Variants in FAM120B observed in about 807,000 individuals in gnomAD.
The protein encoded by FAM120B is family with sequence similarity 120 member B, also known as constitutive coactivator of peroxisome proliferator-activated receptor gamma.
FAM120B carries 83 observed loss-of-function variants against 96.3 expected under a neutral mutation model. The ratio of observed to expected loss-of-function variants is 0.86; its 90% CI spans 0.72 to 1.03. FAM120B has a LOEUF of 1.03. Ranked by LOEUF, FAM120B falls within the 50% of genes least tolerant of loss-of-function variation. The pLI, the probability that FAM120B is intolerant of heterozygous loss-of-function variation, is 0.00. For synonymous variants in FAM120B, 407 were observed against 402.7 expected, an observed-to-expected ratio of 1.01 and a Z score of -0.13; for missense variants, 1,027 against 1,121.2, an observed-to-expected ratio of 0.92 and a Z score of 1.20.
chr6:170,403,393 G>T (rs1052909132), intron 9 of FAM120B, among the ~76,000 whole-genome samples: 1 of 152,112 alleles, frequency 6.6e-6, no homozygotes, highest in Non-Finnish European at 1.5e-5. Context: ...AGATATTAAA[G>T]TAGTTCAAGT....
intron 9 of FAM120B, among the ~76,000 whole-genome samples, chr6:170,397,928 TC>T (rs1245473464): frequency 6.6e-6 from 1 of 152,188 alleles, no homozygotes. Flanking sequence ...TGCTGTCATG[TC>T]CCCTACTCCT....
intron 6 of FAM120B, among the ~76,000 whole-genome samples, chr6:170,373,550 A>G (rs1315426551): frequency 6.6e-6 from 1 of 152,188 alleles, no homozygotes; most frequent in Non-Finnish European, 1.5e-5. Flanking sequence ...GTTAGCTTAA[A>G]TTAGTTGTTT....
chr6:170,300,838 G>A (rs1333587094), intron 1 of FAM120B, among the ~76,000 whole-genome samples: 6 of 152,202 alleles, frequency 3.9e-5, no homozygotes, highest in Non-Finnish European at 7.3e-5. Flanking sequence ...ACACTGATGC[G>A]AGAGGTGGGC....
intron 1 of FAM120B, among the ~76,000 whole-genome samples, chr6:170,299,818 G>A (rs376852231): frequency 1.3e-5 from 2 of 152,346 alleles, no homozygotes; most frequent in East Asian, 1.9e-4. Context: ...GCTCTGCCAC[G>A]TCAAGGCCCA....
chr6:170,383,168 T>C (rs868113784), intron 6 of FAM120B, among the ~76,000 whole-genome samples: 2 of 148,546 alleles, frequency 1.3e-5, no homozygotes, highest in South Asian at 2.1e-4. Flanking sequence ...AAATGGAAAA[T>C]GAAATTAACT....
At chr6:170,296,421 C>A (rs1251040084) in intron 1 of FAM120B, among the ~76,000 whole-genome samples, 1 of 151,846 alleles carries the variant, frequency 6.6e-6, no homozygotes, top group Admixed American at 6.6e-5. Flanking sequence ...GGCCGTGCGG[C>A]GGGTCATCCC....
Position 170,395,525 on chromosome 6 carries a change from G to A in FAM120B, c.2638G>A (p.Gly880Ser). ...GRQGSSYHRT[G>S]SGYSRSSQGQ... ...ACAGGGCTCCAGCTACCACAGGACG[G>A]GCTCTGGGTATAGCCGTTCCAGTCA... Residue 880 changes from glycine (G) to serine (S), a missense_variant, in exon 9 of 11, where the codon GGC (glycine) becomes AGC (serine). This residue lies in a region of FAM120B where 142 missense variants were observed against 122.5 expected (regional missense o/e 1.16). Transcript: ENST00000476287. 6.2e-7 allele frequency: 1 copy of A among 1,601,014 alleles called. No homozygotes were observed. Among genetic ancestry groups the A allele is most frequent in the Non-Finnish European group, 8.5e-7 (1 of 1,173,898 alleles).
chr6:170,318,270 A>T lies in FAM120B; in HGVS notation c.880A>T (p.Lys294Ter). Reference protein sequence around the residue: ...LEEILPLGPNKALFYKGMASY... With the variant: ...LEEILPLGPN ...AGAGATATTACCTCTGGGACCAAAC[A>T]AAGCTCTTTTTTATAAAGGAATGGC... Residue 294 changes from lysine to a stop codon, truncating the protein, a stop_gained, in exon 2 of 11, where the codon AAA becomes TAA. Coordinates refer to ENST00000476287, the MANE Select transcript of FAM120B (RefSeq NM_032448.3). LOFTEE classifies it high-confidence loss of function. 1 of 1,614,114 alleles carries T rather than the reference A, an allele frequency of 6.2e-7. No homozygotes were observed. Among genetic ancestry groups the T allele is most frequent in the Non-Finnish European group, 8.5e-7 (1 of 1,180,020 alleles).
chr6:170,388,731 T>C (rs1216090060), intron 7 of FAM120B, among the ~76,000 whole-genome samples: 2 of 152,194 alleles, frequency 1.3e-5, no homozygotes, highest in Non-Finnish European at 2.9e-5. Flanking sequence ...TGAATGTTTT[T>C]GGAATTTTGG....
chr6:170,376,756 G>A (rs555437586), intron 6 of FAM120B, among the ~76,000 whole-genome samples: 2 of 152,238 alleles, frequency 1.3e-5, no homozygotes, highest in Non-Finnish European at 2.9e-5. Flanking sequence ...CGAAAATCTG[G>A]ACTAGCCAGA....
intron 6 of FAM120B, among the ~76,000 whole-genome samples, chr6:170,368,821 G>GGC (rs1004039036): frequency 9.9e-5 from 2 of 20,302 alleles, no homozygotes; most frequent in East Asian, 3.9e-4. Context: ...TGCCGGGGCT[G>GGC]GGGGGGGGGC....
In FAM120B at chr6:170,395,465, T is replaced by A. The variant is rs1790678689; in HGVS notation, c.2600-22T>A. 8 of 1,559,632 alleles carry A rather than the reference T, an allele frequency of 5.1e-6. No individual in the cohort carries two copies. The East Asian group carries it at 1.4e-4, about 28-fold the overall frequency. On this transcript the variant is annotated intron_variant, in intron 8 of 10. Transcript: ENST00000476287. ...TAAGACATTTGACAACTTACTAATCTTCTGACTATGTGTTCCCACAGGGAG... is the reference window on the plus strand; with the variant it reads ...TAAGACATTTGACAACTTACTAATCATCTGACTATGTGTTCCCACAGGGAG...
At chr6:170,367,744 T>G (rs1476741783) in intron 6 of FAM120B, among the ~76,000 whole-genome samples, 2 of 152,244 alleles carry the variant, frequency 1.3e-5, no homozygotes, top group Non-Finnish European at 2.9e-5. Context: ...GTCATTCCTT[T>G]GAGGTAATTA....
intron 8 of FAM120B, among the ~76,000 whole-genome samples, chr6:170,392,153 A>G (rs1583308708): frequency 6.6e-6 from 1 of 152,348 alleles, no homozygotes; most frequent in East Asian, 1.9e-4. Context: ...TCCAGCAGTG[A>G]GCAAGAGTTT....
At chr6:170,295,267 G>C, upstream of FAM120B, 1 of 630,190 alleles carries the variant, frequency 1.6e-6, no homozygotes, top group Non-Finnish European at 2.9e-6. This position sits in a 1 kb window ranked among gnomAD's most constrained non-coding sequence, Gnocchi z 7.8. Flanking sequence ...CACTCACTGG[G>C]CCATGTCCCC....
chr6:170,306,728 A>C (rs1408124100), upstream of FAM120B: 7 of 152,610 alleles, frequency 4.6e-5, no homozygotes, highest in East Asian at 9.7e-4. Flanking sequence ...CCAAGTCCCG[A>C]GCGGAAGCGC....
intron 6 of FAM120B, among the ~76,000 whole-genome samples, chr6:170,362,921 G>A (rs905342118): frequency 6.6e-6 from 1 of 151,970 alleles, no homozygotes; most frequent in Non-Finnish European, 1.5e-5. Flanking sequence ...CTGAGCTCAA[G>A]CAATCCTCCT....
intron 1 of FAM120B, among the ~76,000 whole-genome samples, chr6:170,316,739 T>C (rs765317508): frequency 2.0e-5 from 3 of 152,200 alleles, no homozygotes; most frequent in Non-Finnish European, 4.4e-5. Context: ...TTTTAACATA[T>C]GCATACACTT....
At chr6:170,365,055 A>G (rs1471353660) in intron 6 of FAM120B, among the ~76,000 whole-genome samples, 1 of 152,222 alleles carries the variant, frequency 6.6e-6, no homozygotes, top group Non-Finnish European at 1.5e-5. Flanking sequence ...AGAGTGCAGA[A>G]AAGGGCGTGG....
Sources: allele counts gnomAD v4.1 joint callset (sites outside exome capture counted in the v4.1 genomes callset), GRCh38; gene constraint gnomAD v4.1.1; regional missense constraint gnomAD v4.1.1; non-coding constraint Gnocchi (gnomAD v3.1); transcripts MANE v1.5; gene names NCBI Gene and HGNC (gene_info 2026-07-23, HGNC 2026-07-21).